Variants in PCDHAC1 observed in about 807,000 individuals in gnomAD.
PCDHAC1 encodes the protein protocadherin alpha-C1.
PCDHAC1 carries 42 observed loss-of-function variants against 60.0 expected under a neutral mutation model. That is an observed-to-expected ratio of 0.70 (90% confidence interval 0.55 to 0.90). PCDHAC1 has a LOEUF of 0.90. PCDHAC1 is among the 40% of genes least tolerant of loss of function. The pLI is 0.00. For synonymous variants in PCDHAC1, 468 were observed against 499.3 expected, an observed-to-expected ratio of 0.94 and a Z score of 0.84; for missense variants, 1,160 against 1,222.3, an observed-to-expected ratio of 0.95 and a Z score of 0.76.
At chr5:140,968,841 A>G in intron 1 of PCDHAC1, 1 of 1,614,222 alleles carries the variant, frequency 6.2e-7, no homozygotes, top group Middle Eastern at 1.6e-4. Context: ...CCTGACACTC[A>G]GAGGCATGTT....
intron 3 of PCDHAC1, among the ~76,000 whole-genome samples, chr5:140,985,103 A>G (rs1342526252): frequency 6.6e-6 from 1 of 151,694 alleles, no homozygotes; most frequent in African/African-American, 2.4e-5. Context: ...AAGCCTGGCT[A>G]ATTTTTTGTG....
intron 1 of PCDHAC1, among the ~76,000 whole-genome samples, chr5:140,944,406 C>T (rs1003379783): frequency 2.0e-5 from 3 of 152,084 alleles, no homozygotes; most frequent in Non-Finnish European, 2.9e-5. Flanking sequence ...AGGCTGGTCT[C>T]GAACTCCTGA....
At chr5:140,969,436 A>G (rs1289383219) in intron 1 of PCDHAC1, 2 of 1,549,954 alleles carry the variant, frequency 1.3e-6, no homozygotes, top group Non-Finnish European at 1.7e-6. Flanking sequence ...GACAAGAGTT[A>G]TCTGGTAAAC....
At chr5:140,932,059 AT>A (rs2087988463) in intron 1 of PCDHAC1, among the ~76,000 whole-genome samples, 1 of 151,936 alleles carries the variant, frequency 6.6e-6, no homozygotes, top group Non-Finnish European at 1.5e-5. Context: ...AATACTAAAA[AT>A]TATCAGTTTA....
chr5:140,969,307 A>C (rs2096316993), intron 1 of PCDHAC1: 1 of 1,614,192 alleles, frequency 6.2e-7, no homozygotes, highest in Non-Finnish European at 8.5e-7. Flanking sequence ...TTATTCTCAA[A>C]AATGAGGCTG....
chr5:140,939,388 A>C, intron 1 of PCDHAC1, among the ~76,000 whole-genome samples: 1 of 152,232 alleles, frequency 6.6e-6, no homozygotes, highest in East Asian at 1.9e-4. Context: ...CATTCAGATC[A>C]TAGCAAGTTT....
At chr5:140,958,711 T>C (rs1402769483) in intron 1 of PCDHAC1, among the ~76,000 whole-genome samples, 1 of 152,216 alleles carries the variant, frequency 6.6e-6, no homozygotes, top group Non-Finnish European at 1.5e-5. Flanking sequence ...AACTCTGTTA[T>C]AATAAATGTA....
chr5:140,934,611 C>T (rs1346764744), intron 1 of PCDHAC1, among the ~76,000 whole-genome samples: 2 of 151,950 alleles, frequency 1.3e-5, no homozygotes, highest in Non-Finnish European at 2.9e-5. Context: ...TTTGATTAGC[C>T]TGAGGTACAG....
At chr5:140,962,414 C>T (rs2095681226) in intron 1 of PCDHAC1, among the ~76,000 whole-genome samples, 1 of 152,166 alleles carries the variant, frequency 6.6e-6, no homozygotes, top group African/African-American at 2.4e-5. Context: ...CCTGTCTCTC[C>T]CTTTTTATTG....
chr5:140,983,588 C>G (rs530448589), intron 3 of PCDHAC1, among the ~76,000 whole-genome samples: 1 of 152,152 alleles, frequency 6.6e-6, no homozygotes, highest in African/African-American at 2.4e-5. Context: ...TACATCTATT[C>G]TACATATGAG....
rs1385567779 is a variant in PCDHAC1 at position 140,926,357 on chromosome 5, A to G, written c.-536A>G. On this transcript the variant is annotated 5_prime_UTR_variant, in exon 1 of 4. Transcript: ENST00000253807. ...GCCGGGACCCGACGCGCGGCTCCCA[A>G]AGGGCGGCAGGAAGAGCCCAGCTGG... 2 of 152,178 alleles carry G rather than the reference A, an allele frequency of 1.3e-5. No homozygotes were observed. Among genetic ancestry groups the G allele is most frequent in the Admixed American group, 6.5e-5 (1 of 15,288 alleles). 9.4% of individuals were successfully genotyped at this position (152,178 alleles called of 1,614,324 possible). A position where few individuals can be genotyped will look rare whatever the true frequency, so the allele number is the denominator to read the frequency against.
At chr5:140,942,418 A>G (rs1554214971) in intron 1 of PCDHAC1, among the ~76,000 whole-genome samples, 2 of 152,146 alleles carry the variant, frequency 1.3e-5, no homozygotes, top group South Asian at 2.1e-4. Flanking sequence ...TTAAAAAAAA[A>G]AAAGATATCT....
chr5:141,000,904 T>A lies in PCDHAC1; in HGVS notation c.2582-8723T>A, dbSNP rs1398868730. Among the ~76,000 whole-genome samples, 6 of 151,990 alleles carry A rather than the reference T, an allele frequency of 3.9e-5. No individual in the cohort carries two copies. The East Asian group carries it at 1.2e-3, about 29-fold the overall frequency. On this transcript the variant is annotated intron_variant, in intron 3 of 3. Coordinates refer to ENST00000253807, the MANE Select transcript of PCDHAC1 (RefSeq NM_018898.5). ...ACCTGGGCAACAGATATAGACGCTGTCTCTAAAAAAAAAAATCCTGTGTGA... is the reference window on the plus strand; with the variant it reads ...ACCTGGGCAACAGATATAGACGCTGACTCTAAAAAAAAAAATCCTGTGTGA...
rs1250728851 is a variant in PCDHAC1 at position 140,927,599 on chromosome 5, C to T, written c.707C>T (p.Ser236Phe). Residue 236 changes from serine to phenylalanine, a missense_variant, in exon 1 of 4, where the codon TCC becomes TTC. Ser to Phe is a radical substitution (Grantham distance 155). Coordinates refer to ENST00000253807, the MANE Select transcript of PCDHAC1 (RefSeq NM_018898.5). ...GACAACGCGCCTGTATTTGAGCGCT[C>T]CGTATACCGCACCAAGGTTCCAGAG... Reference protein sequence around the residue: ...TNDNAPVFERSVYRTKVPETA... With the variant: ...TNDNAPVFERFVYRTKVPETA... 1 of 1,614,070 alleles carries T rather than the reference C, an allele frequency of 6.2e-7. No individual in the cohort carries two copies. The highest frequency in any genetic ancestry group is 1.3e-5 in the African/African-American group (1 of 74,936).
At chr5:140,944,003 C>T (rs1185007409) in intron 1 of PCDHAC1, among the ~76,000 whole-genome samples, 1 of 152,038 alleles carries the variant, frequency 6.6e-6, no homozygotes, top group Admixed American at 6.6e-5. Flanking sequence ...CTACTGAGTA[C>T]CCCCCAAAAG....
At chr5:140,967,166 G>T (rs563863114) in intron 1 of PCDHAC1, 1 of 1,611,394 alleles carries the variant, frequency 6.2e-7, no homozygotes, top group South Asian at 1.1e-5. Context: ...GGTGAGCGCC[G>T]TTGAGGTGGA....
chr5:140,953,951 A>C (rs1554221165), intron 1 of PCDHAC1, among the ~76,000 whole-genome samples: 1 of 151,876 alleles, frequency 6.6e-6, no homozygotes, highest in Admixed American at 6.6e-5. Context: ...TGCTCCCCCA[A>C]CAGGCCCCAG....
At chr5:140,975,174 T>C (rs1470598627) in intron 1 of PCDHAC1, among the ~76,000 whole-genome samples, 1 of 152,208 alleles carries the variant, frequency 6.6e-6, no homozygotes, top group Non-Finnish European at 1.5e-5. Context: ...GACTCAGGAC[T>C]CTTGTCCCAT....
intron 1 of PCDHAC1, chr5:140,967,906 C>T (rs529421659): frequency 1.2e-6 from 2 of 1,614,208 alleles, no homozygotes; most frequent in Non-Finnish European, 1.7e-6. Context: ...ATGCTACACC[C>T]AACACCATTG....
Sources: allele counts gnomAD v4.1 joint callset (sites outside exome capture counted in the v4.1 genomes callset), GRCh38; gene constraint gnomAD v4.1.1; transcripts MANE v1.5; gene names NCBI Gene and HGNC (gene_info 2026-07-23, HGNC 2026-07-21).